Variants in MIA2 observed in about 807,000 individuals in gnomAD.
MIA2 encodes the protein melanoma inhibitory activity protein 2.
In MIA2, 127 loss-of-function variants were observed where a neutral mutation model predicts 167.8. The ratio of observed to expected loss-of-function variants is 0.76; its 90% CI spans 0.66 to 0.88. MIA2 has a LOEUF of 0.88. Ranked by LOEUF, MIA2 falls within the 40% of genes least tolerant of loss-of-function variation. The pLI is 0.00. For synonymous variants in MIA2, 552 were observed against 541.9 expected, an observed-to-expected ratio of 1.02 and a Z score of -0.26; for missense variants, 1,690 against 1,624.7, an observed-to-expected ratio of 1.04 and a Z score of -0.69.
At chr14:39,343,089 A>G (rs1008451383) in intron 25 of MIA2, among the ~76,000 whole-genome samples, 7 of 152,160 alleles carry the variant, frequency 4.6e-5, no homozygotes, top group Non-Finnish European at 8.8e-5. Context: ...TTCTTTCAAG[A>G]TTGTCCAGGA....
rs748484013 is a variant in MIA2 at position 39,345,925 on chromosome 14, C to T, written c.3677C>T (p.Ala1226Val). 6.2e-7 allele frequency: 1 copy of T among 1,610,898 alleles called. No homozygotes were observed. Among genetic ancestry groups the T allele is most frequent in the Non-Finnish European group, 8.5e-7 (1 of 1,178,462 alleles). Residue 1226 changes from alanine (A) to valine (V), a missense_variant, in exon 26 of 29, where the codon GCC becomes GTC. Coordinates refer to ENST00000640607, the MANE Select transcript of MIA2 (RefSeq NM_001329214.4). ...CTAGGACAATCATATCCTGATTCAG[C>T]CCTTCCTCCACAAAGGCAAGACAGA... is the stretch of plus-strand genomic sequence containing the variant. ...PPPGQSYPDS[A>V]LPPQRQDRFC...
rs113435914 is a variant in MIA2, at chr14:39,245,480, G to A, written c.337-1431G>A. 7.0e-3 allele frequency among the ~76,000 whole-genome samples: 1,072 copies of A among 152,310 alleles called. 12 individuals carry two copies. Among genetic ancestry groups the A allele is most frequent in the African/African-American group, 0.025 (1,027 of 41,568 alleles). On this transcript the variant is annotated intron_variant, in intron 3 of 28. Transcript: ENST00000640607. Reference sequence around the variant, plus strand: ...AGCCATCCTGGGCTGCATGCAGCCTGTAAGCTGCAGGTTGGACAAGCTTGC... The same window carrying A: ...AGCCATCCTGGGCTGCATGCAGCCTATAAGCTGCAGGTTGGACAAGCTTGC...
intron 6 of MIA2, chr14:39,265,237 G>A: frequency 1.6e-6 from 1 of 637,168 alleles, no homozygotes; most frequent in Non-Finnish European, 2.7e-6. Flanking sequence ...AACTCCACCT[G>A]TAGCACCCCT....
chr14:39,297,666 C>CGTGTGT (rs71435638), intron 13 of MIA2, among the ~76,000 whole-genome samples: 4,266 of 140,132 alleles, frequency 0.03, 137 homozygotes, highest in African/African-American at 0.07. Flanking sequence ...TAGGGTTTTG[C>CGTGTGT]GTGTGTGTGT....
intron 3 of MIA2, among the ~76,000 whole-genome samples, chr14:39,245,317 T>TA (rs2054247512): frequency 6.6e-6 from 1 of 152,098 alleles, no homozygotes; most frequent in East Asian, 1.9e-4. Flanking sequence ...TGGGCCACCC[T>TA]GGAAGAAGAA....
intron 10 of MIA2, among the ~76,000 whole-genome samples, 180 bp downstream of exon 10, chr14:39,291,276 T>C (rs530502978): frequency 6.6e-6 from 1 of 152,316 alleles, no homozygotes; most frequent in Admixed American, 6.5e-5. Context: ...GCATAAAATA[T>C]TATAAAAATT....
At chr14:39,372,099 G>C (rs1329659221) in intron 23 of MIA2, among the ~76,000 whole-genome samples, 1 of 152,140 alleles carries the variant, frequency 6.6e-6, no homozygotes, top group East Asian at 1.9e-4. Context: ...TGGCTGGACA[G>C]GGTAATCCTC....
At chr14:39,260,287 C>A (rs1373180217) in intron 6 of MIA2, among the ~76,000 whole-genome samples, 2 of 152,248 alleles carry the variant, frequency 1.3e-5, no homozygotes, top group Non-Finnish European at 2.9e-5. Flanking sequence ...GCCACACTGT[C>A]TTCCACAGTG....
intron 19 of MIA2, among the ~76,000 whole-genome samples, chr14:39,314,245 G>A (rs2064906580): frequency 6.6e-6 from 1 of 152,030 alleles, no homozygotes; most frequent in Non-Finnish European, 1.5e-5. Flanking sequence ...AAATTAGTTG[G>A]TCGTGGTGGT....
At chr14:39,321,202 G>T in intron 24 of MIA2, 146 bp downstream of exon 24, 1 of 724,104 alleles carries the variant, frequency 1.4e-6, no homozygotes. Context: ...TTTGGAAAAG[G>T]AGCTCTATGA....
At chr14:39,382,596 A>G (rs1014973151) in intron 23 of MIA2, among the ~76,000 whole-genome samples, 6 of 152,190 alleles carry the variant, frequency 3.9e-5, no homozygotes, top group African/African-American at 9.7e-5. Flanking sequence ...CAGGTAGGGG[A>G]ATAGTCAATT....
At chr14:39,322,821 A>G (rs1363166251) in intron 24 of MIA2, among the ~76,000 whole-genome samples, 1 of 152,142 alleles carries the variant, frequency 6.6e-6, no homozygotes, top group Non-Finnish European at 1.5e-5. Context: ...TCAAAATCAA[A>G]AGTCTTACAT....
chr14:39,266,818 G>C, intron 6 of MIA2: 2 of 835,604 alleles, frequency 2.4e-6, no homozygotes, highest in South Asian at 1.1e-4. Flanking sequence ...TCGGGGCTGG[G>C]CCTGGCGTCG....
Position 39,346,912 on chromosome 14 carries a change from G to A in MIA2, c.3779-801G>A, listed in dbSNP as rs116931545. The stretch of plus-strand genomic sequence containing the variant: ...TGAGACACCTTGCTCAGCCTGGAAA[G>A]TCAGTATTTTATTTTATTTATTTTT... On this transcript the variant is annotated intron_variant, in intron 26 of 28. Coordinates refer to ENST00000640607, the MANE Select transcript of MIA2 (RefSeq NM_001329214.4). 820 of 326,506 alleles carry A rather than the reference G, an allele frequency of 2.5e-3. 7 individuals carry two copies. Among genetic ancestry groups the A allele is most frequent in the South Asian group, 8.7e-3 (344 of 39,424 alleles). The allele number at this position is 326,506 out of a possible 1,614,324, so 20.2% of individuals were successfully genotyped here. A position where few individuals can be genotyped will look rare whatever the true frequency, so the allele number is the denominator to read the frequency against.
At chr14:39,275,307 A>G (rs2057833407) in intron 6 of MIA2, among the ~76,000 whole-genome samples, 1 of 151,736 alleles carries the variant, frequency 6.6e-6, no homozygotes, top group South Asian at 2.1e-4. Flanking sequence ...TGCCTGGCTA[A>G]TTTTTGTATT....
At chr14:39,266,890 C>A (rs1010478611) in intron 6 of MIA2, 1 of 721,482 alleles carries the variant, frequency 1.4e-6, no homozygotes, top group African/African-American at 1.9e-5. Context: ...CTCGCCGCCG[C>A]CGCCACCGCG....
intron 17 of MIA2, among the ~76,000 whole-genome samples, chr14:39,306,673 T>C (rs1463613491): frequency 6.6e-6 from 1 of 152,218 alleles, no homozygotes; most frequent in Admixed American, 6.5e-5. Flanking sequence ...ATGTAATTAC[T>C]AAAATTTTCA....
rs564695130 is a variant in MIA2, at chr14:39,287,686, C to T, written c.2131-3333C>T. ...CAAGCAATTCTCCTGCGTCAGCCTCCTGAGTAGCTGGGACTACAGTCATGC... is the reference window on the plus strand; with the variant it reads ...CAAGCAATTCTCCTGCGTCAGCCTCTTGAGTAGCTGGGACTACAGTCATGC... On this transcript the variant is annotated intron_variant, in intron 9 of 28. Transcript: ENST00000640607. Among the ~76,000 whole-genome samples, 3 of 152,232 alleles carry T rather than the reference C, an allele frequency of 2.0e-5. No individual in the cohort carries two copies. The South Asian group carries it at 6.2e-4, about 32-fold the overall frequency.
intron 13 of MIA2, among the ~76,000 whole-genome samples, chr14:39,298,898 A>G (rs1008223709): frequency 6.6e-6 from 1 of 151,318 alleles, no homozygotes; most frequent in African/African-American, 2.4e-5. Context: ...AGTCTGGGCG[A>G]CATAGTAAGA....
Sources: allele counts gnomAD v4.1 joint callset (sites outside exome capture counted in the v4.1 genomes callset), GRCh38; gene constraint gnomAD v4.1.1; transcripts MANE v1.5; gene names NCBI Gene and HGNC (gene_info 2026-07-23, HGNC 2026-07-21).